The following BUB3 variants were observed in gnomAD, a reference collection of about 807,000 sequenced individuals.
BUB3 encodes the protein mitotic checkpoint protein BUB3.
BUB3 carries 22 observed loss-of-function variants against 39.9 expected under a neutral mutation model. The ratio of observed to expected loss-of-function variants is 0.55; its 90% CI spans 0.39 to 0.79. The LOEUF is 0.79. BUB3 is among the 30% of genes least tolerant of loss of function. The pLI, the probability that BUB3 is intolerant of heterozygous loss-of-function variation, is 0.00. For synonymous variants in BUB3, 168 were observed against 155.1 expected, an observed-to-expected ratio of 1.08 and a Z score of -0.62; for missense variants, 303 against 415.4, an observed-to-expected ratio of 0.73 and a Z score of 2.35.
At chr10:123,155,142 T>G in intron 2 of BUB3, 30 bp downstream of exon 2, 1 of 1,604,368 alleles carries the variant, frequency 6.2e-7, no homozygotes, top group South Asian at 1.1e-5. Flanking sequence ...GCTCCTGCCC[T>G]CTTACTGTGT....
chr10:123,155,871 T>A, intron 3 of BUB3, 144 bp downstream of exon 3: 2 of 690,678 alleles, frequency 2.9e-6, no homozygotes, highest in Non-Finnish European at 5.0e-6. Flanking sequence ...TTTTTTAATT[T>A]AAATGATAAC....
chr10:123,167,992 G>A lies in BUB3; in HGVS notation c.*4157G>A, dbSNP rs761065516. The A allele has an allele frequency of 1.3e-5, 2 of 151,616 alleles. No individual in the cohort carries two copies. Among genetic ancestry groups the A allele is most frequent in the Non-Finnish European group, 2.9e-5 (2 of 67,944 alleles). 9.4% of individuals were successfully genotyped at this position (151,616 alleles called of 1,614,324 possible). A position where few individuals can be genotyped will look rare whatever the true frequency, so the allele number is the denominator to read the frequency against. ...TTTTTCTCCTTTTTCTGGAGAACGGGGTCTCGCTATACTGCCCAGGCAGGT... is the reference window on the plus strand; with the variant it reads ...TTTTTCTCCTTTTTCTGGAGAACGGAGTCTCGCTATACTGCCCAGGCAGGT... On this transcript the variant is annotated 3_prime_UTR_variant, in exon 8 of 8. Transcript: ENST00000368865.
rs936297958 is a variant in BUB3 at position 123,168,616 on chromosome 10, C to A, written c.*4781C>A. On this transcript the variant is annotated 3_prime_UTR_variant, in exon 8 of 8. Coordinates refer to ENST00000368865, the MANE Select transcript of BUB3 (RefSeq NM_004725.4). The stretch of plus-strand genomic sequence containing the variant: ...CAGGCTGGAGTGCAAGTGGCGCGAT[C>A]TCCGCTCATTGCAAGCTCCGCCTCT... 6 of 152,044 alleles carry A rather than the reference C, an allele frequency of 3.9e-5. No homozygotes were observed. The East Asian group carries it at 1.2e-3, about 29-fold the overall frequency. 9.4% of individuals were successfully genotyped at this position (152,044 alleles called of 1,614,324 possible).
intron 3 of BUB3, 97 bp from the exon 4 acceptor site, chr10:123,157,632 T>C: frequency 7.1e-7 from 1 of 1,400,762 alleles, no homozygotes. Flanking sequence ...TTCATTACAG[T>C]TGAATGAATG....
chr10:123,162,214 T>C (rs771811201), intron 5 of BUB3, 22 bp from the exon 6 acceptor site: 19 of 1,586,854 alleles, frequency 1.2e-5, no homozygotes, highest in Non-Finnish European at 1.5e-5. Context: ...ACCATTTTTT[T>C]CCTCTGGTTC....
chr10:123,158,358 C>A (rs10510124), intron 4 of BUB3, among the ~76,000 whole-genome samples: 1 of 152,088 alleles, frequency 6.6e-6, no homozygotes, highest in South Asian at 2.1e-4. Flanking sequence ...TTGTACTGTT[C>A]GTATATTTAT....
chr10:123,166,439 A>G lies in BUB3; in HGVS notation c.*2604A>G, dbSNP rs577984789. On this transcript the variant is annotated 3_prime_UTR_variant, in exon 8 of 8. Transcript: ENST00000368865. Reference sequence around the variant, plus strand: ...ATATGACTTGCCCTTCTTGCATGCGATGTATCTGGTGCATGTGTGCATTTT... The same window carrying G: ...ATATGACTTGCCCTTCTTGCATGCGGTGTATCTGGTGCATGTGTGCATTTT... 1.3e-5 allele frequency: 2 copies of G among 152,272 alleles called. No homozygotes were observed. Among genetic ancestry groups the G allele is most frequent in the African/African-American group, 2.4e-5 (1 of 41,552 alleles). 9.4% of individuals were successfully genotyped at this position (152,272 alleles called of 1,614,324 possible). A position where few individuals can be genotyped will look rare whatever the true frequency, so the allele number is the denominator to read the frequency against.
At chr10:123,160,677 T>A (rs1016355671) in intron 5 of BUB3, 112 bp downstream of exon 5, 5 of 1,067,004 alleles carry the variant, frequency 4.7e-6, no homozygotes, top group Admixed American at 3.4e-5. Flanking sequence ...CAGTAGTGAT[T>A]TAGAATTTGC....
At chr10:123,154,799 A>G in intron 1 of BUB3, 119 bp from the exon 2 acceptor site, 3 of 1,097,610 alleles carry the variant, frequency 2.7e-6, no homozygotes, top group Non-Finnish European at 3.9e-6. Context: ...GCGCAAGCGC[A>G]GAGTCTCCTC....
In BUB3 at chr10:123,157,720, T is replaced by C. The variant is rs774777776; in HGVS notation, c.266-9T>C. The C allele has an allele frequency of 1.5e-5, 23 of 1,562,184 alleles. No homozygotes were observed. Among genetic ancestry groups the C allele is most frequent in the African/African-American group, 6.9e-5 (5 of 72,270 alleles). ...GTTGGGGTTTTTTCCCCTTTTTTTT[T>C]CTCTATAGAAAATCTTGTTGGGACC... On this transcript the variant is annotated splice_polypyrimidine_tract_variant and intron_variant, in intron 3 of 7. Transcript: ENST00000368865.
At chr10:123,160,269 TA>T in intron 4 of BUB3, 137 bp from the exon 5 acceptor site, 1 of 728,032 alleles carries the variant, frequency 1.4e-6, no homozygotes, top group Non-Finnish European at 2.1e-6. Context: ...TTGCAGTATC[TA>T]AAATTGTTAT....
chr10:123,154,841 G>A (rs554165153), intron 1 of BUB3, 77 bp from the exon 2 acceptor site: 3 of 1,487,290 alleles, frequency 2.0e-6, no homozygotes, highest in East Asian at 4.7e-5. Flanking sequence ...CCCTCTGGGG[G>A]GACCCCCAGT....
intron 3 of BUB3, among the ~76,000 whole-genome samples, chr10:123,156,753 G>GTTTTTTTTTTTTTTTTTTTTTTT (rs756642442): frequency 5.9e-5 from 8 of 135,106 alleles, no homozygotes; most frequent in African/African-American, 8.4e-5. Flanking sequence ...TTTCTTTCTT[G>GTTTTTTTTTTTTTTTTTTTTTTT]TTTTTTTTTT....
In BUB3 at chr10:123,162,264, G is replaced by T; in HGVS notation, c.605G>T (p.Arg202Leu). ...QGYVLSSIEGRVAVEYLDPSP... is the reference protein window; with the variant it reads ...QGYVLSSIEGLVAVEYLDPSP... Reference sequence around the variant, plus strand: ...TATGTATTAAGCTCTATTGAAGGCCGAGTGGCAGTTGAGTATTTGGACCCA... The same window carrying T: ...TATGTATTAAGCTCTATTGAAGGCCTAGTGGCAGTTGAGTATTTGGACCCA... Residue 202 changes from arginine to leucine, a missense_variant, in exon 6 of 8, where the codon CGA becomes CTA. This residue lies in a region of BUB3 where 182 missense variants were observed against 293.1 expected (regional missense o/e 0.62). Transcript: ENST00000368865. The T allele has an allele frequency of 1.2e-6, 2 of 1,614,028 alleles. No individual in the cohort carries two copies. Among genetic ancestry groups the T allele is most frequent in the Non-Finnish European group, 1.7e-6 (2 of 1,179,980 alleles).
chr10:123,164,458 TATC>T lies in BUB3; in HGVS notation c.*626_*628del. The T allele has an allele frequency of 1.0e-6, 1 of 985,672 alleles. No individual in the cohort carries two copies. Among genetic ancestry groups the T allele is most frequent in the East Asian group, 1.1e-4 (1 of 8,828 alleles). 61.1% of individuals were successfully genotyped at this position (985,672 alleles called of 1,614,324 possible). A position where few individuals can be genotyped will look rare whatever the true frequency, so the allele number is the denominator to read the frequency against. On this transcript the variant is annotated 3_prime_UTR_variant, in exon 8 of 8. Coordinates refer to ENST00000368865, the MANE Select transcript of BUB3 (RefSeq NM_004725.4). ...GAAAACTAATAAGAAAACCTCCTAATATCATTTTGTGACTGTAAACAATTATTT... is the reference window on the plus strand; with the variant it reads ...GAAAACTAATAAGAAAACCTCCTAATATTTTGTGACTGTAAACAATTATTT...
chr10:123,160,321 TATGATCAG>T, intron 4 of BUB3, 78 bp from the exon 5 acceptor site: 1 of 1,277,172 alleles, frequency 7.8e-7, no homozygotes, highest in Non-Finnish European at 1.1e-6. Context: ...TTTATGGTCT[TATGATCAG>T]ATGGACTTTA....
At position 123,155,123 on chromosome 10, in the gene BUB3, T is replaced by A. The variant is rs1202591928; in HGVS notation, c.195+11T>A. On this transcript the variant is annotated intron_variant, in intron 2 of 7. Coordinates refer to ENST00000368865, the MANE Select transcript of BUB3 (RefSeq NM_004725.4). ...GACTGCGCCTTCTACGTAGGTGCCCTCCCGCCCTGCTCCTGCCCTCTTACT... is the reference window on the plus strand; with the variant it reads ...GACTGCGCCTTCTACGTAGGTGCCCACCCGCCCTGCTCCTGCCCTCTTACT... 4.3e-6 allele frequency: 7 copies of A among 1,611,950 alleles called. No individual in the cohort carries two copies. Among genetic ancestry groups the A allele is most frequent in the Non-Finnish European group, 5.9e-6 (7 of 1,179,064 alleles).
At chr10:123,158,684 T>C (rs1327303908) in intron 4 of BUB3, among the ~76,000 whole-genome samples, 1 of 152,232 alleles carries the variant, frequency 6.6e-6, no homozygotes, top group Non-Finnish European at 1.5e-5. Context: ...AATCTACTCC[T>C]GGCAAGACCT....
At chr10:123,155,801 G>A in intron 3 of BUB3, 74 bp downstream of exon 3, 4 of 1,421,188 alleles carry the variant, frequency 2.8e-6, no homozygotes, top group Non-Finnish European at 4.0e-6. Flanking sequence ...TGTAGGAAGA[G>A]TGGTTCCTAA....
Sources: gnomAD v4.1 joint callset for allele counts (sites outside exome capture counted in the v4.1 genomes callset) on GRCh38, gnomAD v4.1.1 for gene constraint, gnomAD v4.1.1 regional missense constraint, MANE v1.5 for transcripts, NCBI Gene and HGNC (gene_info 2026-07-23, HGNC 2026-07-21) for gene names.